Variants in CHD4 observed in about 807,000 individuals in gnomAD.
The protein encoded by CHD4 is chromodomain helicase DNA binding protein 4.
A neutral mutation model predicts 235.5 loss-of-function variants in CHD4; 35 were observed. That is an observed-to-expected ratio of 0.15 (90% confidence interval 0.11 to 0.20). CHD4 has a LOEUF of 0.20. Ranked by LOEUF, CHD4 falls within the 10% of genes least tolerant of loss-of-function variation. The pLI is 1.00. For missense variants in CHD4, 1,329 were observed against 2,432.3 expected (o/e 0.55, Z 9.54); for synonymous variants, 900 against 850.2 (o/e 1.06, Z -1.02).
intron 39 of CHD4, 53 bp downstream of exon 39, chr12:6,570,816 G>A: frequency 6.2e-7 from 1 of 1,611,964 alleles, no homozygotes; most frequent in Admixed American, 1.7e-5. Context: ...AAAGTTACAA[G>A]CTCCAGAATG....
chr12:6,571,294 C>T (rs988248440), intron 38 of CHD4: 3 of 392,876 alleles, frequency 7.6e-6, no homozygotes, highest in South Asian at 1.1e-4. Context: ...TGAGCTTATT[C>T]GTTTTTTCTC....
At position 6,570,485 on chromosome 12, in the gene CHD4, C is replaced by G. The variant is rs936895933; in HGVS notation, c.*191G>C. 5 of 661,582 alleles carry G rather than the reference C, an allele frequency of 7.6e-6. No homozygotes were observed. The highest frequency in any genetic ancestry group is 1.3e-5 in the Non-Finnish European group (5 of 387,114). 41.0% of individuals were successfully genotyped at this position (661,582 alleles called of 1,614,324 possible). ...TGGCGCCAGCGCTACTGCTGCATGT[C>G]TCTTCTGCAGGAAGGGCACCACTGC... On this transcript the variant is annotated 3_prime_UTR_variant, in exon 40 of 40. Coordinates refer to ENST00000544040, the MANE Select transcript of CHD4 (RefSeq NM_001273.5).
rs201047688 is a variant in CHD4 at position 6,578,526 on chromosome 12, C to G, written c.5002G>C (p.Glu1668Gln). The G allele has an allele frequency of 2.0e-4, 317 of 1,609,646 alleles. 4 individuals carry two copies. The South Asian group carries it at 3.4e-3, about 17-fold the overall frequency. The change falls in exon 35 of 40, where the codon GAG becomes CAG. Residue 1668 changes from glutamate (E) to glutamine (Q), a missense_variant. By Grantham distance (29) the Glu-to-Gln change is conservative (BLOSUM62 2). Coordinates refer to ENST00000544040, the MANE Select transcript of CHD4 (RefSeq NM_001273.5). ...EDKEEKKEEE[E>Q]KKEVMLQNGE... ...TTCTGAAGCATCACCTCTTTTTTCTCTTCTTCTTCTTTCTTCTCTTCTACA... is the reference window on the plus strand; with the variant it reads ...TTCTGAAGCATCACCTCTTTTTTCTGTTCTTCTTCTTTCTTCTCTTCTACA...
intron 37 of CHD4, among the ~76,000 whole-genome samples, chr12:6,577,225 G>A (rs1043121616): frequency 3.3e-5 from 5 of 152,014 alleles, no homozygotes; most frequent in Non-Finnish European, 7.4e-5. Context: ...TTTGAGACCA[G>A]CCTAGCCAAC....
chr12:6,606,533 C>T, intron 1 of CHD4, 82 bp from the exon 2 acceptor site: 1 of 507,580 alleles, frequency 2.0e-6, no homozygotes, highest in Non-Finnish European at 3.5e-6. Flanking sequence ...GCTCTTTCCG[C>T]CCCCCACCCC....
chr12:6,594,346 T>A (rs1948449212), intron 15 of CHD4, 113 bp downstream of exon 15: 1 of 850,898 alleles, frequency 1.2e-6, no homozygotes. Context: ...TCCACAGTGT[T>A]CTTGAAGGTC....
At position 6,606,227 on chromosome 12, in the gene CHD4, G is replaced by A. The variant is rs779326131; in HGVS notation, c.100+47C>T. 1.2e-5 allele frequency: 16 copies of A among 1,285,590 alleles called. No individual in the cohort carries two copies. The South Asian group carries it at 1.9e-4, about 15-fold the overall frequency. 79.6% of individuals were successfully genotyped at this position (1,285,590 alleles called of 1,614,324 possible). A position where few individuals can be genotyped will look rare whatever the true frequency, so the allele number is the denominator to read the frequency against. On this transcript the variant is annotated intron_variant, in intron 2 of 39. Transcript: ENST00000544040. ...CTCACCAGAGGAGTCACTCGGGAGAGCCCCAGATGTCTCCTTCCCGCCATG... is the reference window on the plus strand; with the variant it reads ...CTCACCAGAGGAGTCACTCGGGAGAACCCCAGATGTCTCCTTCCCGCCATG...
At chr12:6,606,220 CG>C in intron 2 of CHD4, 53 bp downstream of exon 2, 1 of 1,234,458 alleles carries the variant, frequency 8.1e-7, no homozygotes, top group South Asian at 1.3e-5. Flanking sequence ...AGGAGTCACT[CG>C]GGAGAGCCCC....
chr12:6,593,100 A>G lies in CHD4; in HGVS notation c.2643T>C (p.Asn881=). Residue 881 remains asparagine (N), a synonymous_variant, in exon 17 of 40, where the codon AAT becomes AAC. Transcript: ENST00000544040. This position sits in a 1 kb window ranked among gnomAD's most constrained non-coding sequence, Gnocchi z 4.9. ...CTCCCTCAGCCCTCACCTTAGACTG[A>G]TTGTTCTTCAGCCGATGGGCTTCAT... The part of the protein sequence containing the change: ...IVDEAHRLKN[N]QSKFFRVLNG... 6.2e-7 allele frequency: 1 copy of G among 1,614,044 alleles called. No individual in the cohort carries two copies. Among genetic ancestry groups the G allele is most frequent in the African/African-American group, 1.3e-5 (1 of 75,012 alleles).
chr12:6,601,003 T>C lies in CHD4; in HGVS notation c.850A>G (p.Lys284Glu). Reference protein sequence around the residue: ...PKGSPRVPDAKKPKPKKVAPL... With the variant: ...PKGSPRVPDAEKPKPKKVAPL... ...GCTACTTTCTTGGGTTTAGGCTTCTTGGCATCAGGTACACGAGGGCTGCCC... is the reference window on the plus strand; with the variant it reads ...GCTACTTTCTTGGGTTTAGGCTTCTCGGCATCAGGTACACGAGGGCTGCCC... Residue 284 changes from lysine to glutamate, a missense_variant, in exon 7 of 40, where the codon AAG becomes GAG. Coordinates refer to ENST00000544040, the MANE Select transcript of CHD4 (RefSeq NM_001273.5). 6.2e-7 allele frequency: 1 copy of C among 1,607,108 alleles called. No individual in the cohort carries two copies. Among genetic ancestry groups the C allele is most frequent in the Non-Finnish European group, 8.5e-7 (1 of 1,177,694 alleles).
intron 10 of CHD4, among the ~76,000 whole-genome samples, chr12:6,598,666 G>C (rs1000783951): frequency 1.3e-5 from 2 of 152,136 alleles, no homozygotes; most frequent in African/African-American, 2.4e-5. Flanking sequence ...AAAATTAGCT[G>C]GGCGTGGTGG....
chr12:6,587,730 C>T lies in CHD4; in HGVS notation c.3685G>A (p.Asp1229Asn). ...ACCTCACCTCCATCAGTGGCTTCAT[C>T]CTTGAATAGTTCCTCAGTGCCAAAT... ...LKFGTEELFK[D>N]EATDGGGDNK... The change falls in exon 24 of 40, where the codon GAT becomes AAT. Residue 1229 changes from aspartate (D) to asparagine (N), a missense_variant. This residue lies in a region of CHD4 where 21 missense variants were observed against 53.5 expected (regional missense o/e 0.39). Transcript: ENST00000544040. The T allele has an allele frequency of 6.2e-7, 1 of 1,614,204 alleles. No homozygotes were observed. Among genetic ancestry groups the T allele is most frequent in the Non-Finnish European group, 8.5e-7 (1 of 1,180,046 alleles).
At chr12:6,599,652 G>A (rs1948556536) in intron 10 of CHD4, 121 bp downstream of exon 10, 4 of 1,240,884 alleles carry the variant, frequency 3.2e-6, no homozygotes, top group African/African-American at 1.5e-5. Context: ...GGATGAAGGA[G>A]AATACCTTTC....
At chr12:6,600,744 C>G in intron 7 of CHD4, 75 bp from the exon 8 acceptor site, 1 of 1,574,954 alleles carries the variant, frequency 6.3e-7, no homozygotes. Context: ...GGGGAGTACT[C>G]TCTCACTGGG....
intron 33 of CHD4, 117 bp downstream of exon 33, chr12:6,580,927 A>C: frequency 8.7e-7 from 1 of 1,147,984 alleles, no homozygotes; most frequent in Non-Finnish European, 1.3e-6. Context: ...GAATCGCTCG[A>C]ACCTGGGAGG....
chr12:6,606,365 C>G lies in CHD4; in HGVS notation c.9G>C (p.Ser3=), dbSNP rs771791136. 6 of 1,570,780 alleles carry G rather than the reference C, an allele frequency of 3.8e-6. No homozygotes were observed. Among genetic ancestry groups the G allele is most frequent in the Non-Finnish European group, 3.4e-6 (4 of 1,161,536 alleles). The change falls in exon 2 of 40, where the codon TCG becomes TCC. Residue 3 remains serine, a synonymous_variant. Coordinates refer to ENST00000544040, the MANE Select transcript of CHD4 (RefSeq NM_001273.5). MA[S]GLGSPSPCSA... ...AGCAGGGGGACGGGGAGCCCAGGCC[C>G]GACGCCATCCCCTTCCGCTCCCGGC...
At chr12:6,589,161 C>A (rs973162670) in intron 22 of CHD4, among the ~76,000 whole-genome samples, 1 of 152,106 alleles carries the variant, frequency 6.6e-6, no homozygotes, top group Non-Finnish European at 1.5e-5. Flanking sequence ...AAGAGAATAG[C>A]TTGAACCCGG....
At chr12:6,587,139 T>A (rs1419628727) in intron 25 of CHD4, 1 of 493,106 alleles carries the variant, frequency 2.0e-6, no homozygotes, top group Non-Finnish European at 3.6e-6. Flanking sequence ...AAAATGACAT[T>A]CTGGTAAAGA....
At chr12:6,574,538 A>C (rs2136192875) in intron 37 of CHD4, among the ~76,000 whole-genome samples, 1 of 152,366 alleles carries the variant, frequency 6.6e-6, no homozygotes, top group South Asian at 2.1e-4. Context: ...ATATGACTCA[A>C]CATAAGAGAA....
Sources: gnomAD v4.1 joint callset for allele counts (sites outside exome capture counted in the v4.1 genomes callset) on GRCh38, gnomAD v4.1.1 for gene constraint, gnomAD v4.1.1 regional missense constraint, Gnocchi (gnomAD v3.1) non-coding constraint, MANE v1.5 for transcripts, NCBI Gene and HGNC (gene_info 2026-07-23, HGNC 2026-07-21) for gene names.